The following SNTG2 variants were observed in gnomAD, a reference collection of about 807,000 sequenced individuals.
The protein encoded by SNTG2 is syntrophin gamma 2.
Under a neutral mutation model 70.9 loss-of-function variants are expected in SNTG2, and 74 were observed. The ratio of observed to expected loss-of-function variants is 1.04; its 90% CI spans 0.86 to 1.27. The LOEUF (loss-of-function observed/expected upper bound fraction) is 1.27. SNTG2 is among the 50% of genes most tolerant of loss of function. SNTG2 has a pLI of 0.00. For synonymous variants in SNTG2, 278 were observed against 273.8 expected (o/e 1.02, Z -0.15); for missense variants, 717 against 690.7 (o/e 1.04, Z -0.43).
chr2:1,185,340 C>T (rs908097555), intron 8 of SNTG2, among the ~76,000 whole-genome samples: 18 of 152,160 alleles, frequency 1.2e-4, no homozygotes, highest in Admixed American at 9.2e-4. Context: ...ATTCTGGGGT[C>T]TGGAGGATGG....
intron 1 of SNTG2, among the ~76,000 whole-genome samples, chr2:1,074,579 T>C (rs555650681): frequency 8.5e-5 from 13 of 152,340 alleles, no homozygotes; most frequent in African/African-American, 2.9e-4. Context: ...AAGATAAGAC[T>C]ATTTTGTAAT....
chr2:1,059,342 G>A (rs1352030563), intron 1 of SNTG2: 3 of 139,720 alleles, frequency 2.1e-5, no homozygotes, highest in African/African-American at 8.1e-5. Flanking sequence ...CCTGGACTGA[G>A]TTTTCAGCTG....
intron 6 of SNTG2, among the ~76,000 whole-genome samples, chr2:1,153,449 A>T (rs1208369251): frequency 2.0e-5 from 3 of 152,226 alleles, no homozygotes; most frequent in African/African-American, 7.2e-5. Flanking sequence ...CGAATGACAC[A>T]TCAAAAGGAT....
intron 15 of SNTG2, among the ~76,000 whole-genome samples, chr2:1,312,615 G>A (rs761921082): frequency 3.0e-4 from 46 of 152,272 alleles, no homozygotes; most frequent in African/African-American, 9.9e-4. Flanking sequence ...GGATTCACTC[G>A]TTCTTGGGGA....
chr2:1,188,839 TTATC>T (rs1483958231), intron 8 of SNTG2, among the ~76,000 whole-genome samples: 1 of 152,170 alleles, frequency 6.6e-6, no homozygotes, highest in Non-Finnish European at 1.5e-5. Flanking sequence ...GCATAGTAGT[TTATC>T]AATCCAATGG....
chr2:1,270,711 G>A (rs557471676), intron 14 of SNTG2, among the ~76,000 whole-genome samples: 14 of 152,316 alleles, frequency 9.2e-5, no homozygotes, highest in African/African-American at 3.1e-4. Context: ...TGTTCTTCTT[G>A]ATTCAGTAGC....
chr2:1,324,188 C>T (rs576385418), intron 16 of SNTG2, among the ~76,000 whole-genome samples: 2 of 152,320 alleles, frequency 1.3e-5, no homozygotes, highest in East Asian at 3.9e-4. Context: ...ATGGCGGAGA[C>T]TCCCCAGTAT....
At chr2:1,110,688 C>G (rs1306247094) in intron 4 of SNTG2, among the ~76,000 whole-genome samples, 2 of 152,220 alleles carry the variant, frequency 1.3e-5, no homozygotes, top group Non-Finnish European at 2.9e-5. Flanking sequence ...CACCGCTGGG[C>G]CTTTGCCTTT....
At chr2:956,094 A>C (rs1330558156) in intron 1 of SNTG2, among the ~76,000 whole-genome samples, 1 of 50,838 alleles carries the variant, frequency 2.0e-5, no homozygotes, top group Non-Finnish European at 3.7e-5. Context: ...AATGCTCCGC[A>C]CCTGCCCCTA....
intron 8 of SNTG2, among the ~76,000 whole-genome samples, chr2:1,208,632 G>T (rs535486776): frequency 9.8e-5 from 15 of 152,296 alleles, no homozygotes; most frequent in African/African-American, 3.6e-4. Context: ...TCTGGGCCCG[G>T]CTCTGACCAC....
chr2:1,239,862 G>C (rs533380812), intron 11 of SNTG2, 86 bp downstream of exon 11: 162 of 1,489,206 alleles, frequency 1.1e-4, no homozygotes, highest in Middle Eastern at 3.5e-4. Context: ...ATCTCGAAAA[G>C]CAGTCTCTGG....
At chr2:1,140,923 G>A (rs138450234) in intron 6 of SNTG2, among the ~76,000 whole-genome samples, 2 of 152,330 alleles carry the variant, frequency 1.3e-5, no homozygotes, top group East Asian at 3.9e-4. Context: ...ACACGTTTCA[G>A]TCACCTATAA....
Position 1,095,096 on chromosome 2 carries a change from AAAAG to A in SNTG2, c.211-3098_211-3095del, listed in dbSNP as rs529716456. Reference sequence around the variant, plus strand: ...GAGCAAGAGAGAAAAAAGAGAAAAAAAAAGAGAGAGAGAGAGCGCTGTATCTGCT... The same window carrying A: ...GAGCAAGAGAGAAAAAAGAGAAAAAAAGAGAGAGAGAGCGCTGTATCTGCT... On this transcript the variant is annotated intron_variant, in intron 2 of 16. Transcript: ENST00000308624. 1.9e-3 allele frequency among the ~76,000 whole-genome samples: 286 copies of A among 152,056 alleles called. 5 individuals carry two copies. The highest frequency in any genetic ancestry group is 0.018 in the South Asian group (89 of 4,820).
rs558889187 is a variant in SNTG2, at chr2:1,287,671, G to A, written c.1284+20100G>A. ...CCCTGAATAGCATGCGCCAGACAGC[G>A]AGCACTCGTCATTCTCATTGGAGGG... On this transcript the variant is annotated intron_variant, in intron 14 of 16. Transcript: ENST00000308624. 2.0e-5 allele frequency among the ~76,000 whole-genome samples: 3 copies of A among 152,304 alleles called. No individual in the cohort carries two copies. In the South Asian group the frequency reaches 6.2e-4, roughly 32 times the overall value.
At chr2:955,686 C>G (rs540401796) in intron 1 of SNTG2, among the ~76,000 whole-genome samples, 1 of 152,228 alleles carries the variant, frequency 6.6e-6, no homozygotes, top group African/African-American at 2.4e-5. Context: ...TGGGGACGCA[C>G]TCAGATTCCA....
At chr2:1,253,730 G>T (rs779614010) in intron 12 of SNTG2, among the ~76,000 whole-genome samples, 17 of 152,252 alleles carry the variant, frequency 1.1e-4, no homozygotes, top group Non-Finnish European at 2.5e-4. Flanking sequence ...AGAAAAGAGG[G>T]TTAATTGGCC....
intron 8 of SNTG2, among the ~76,000 whole-genome samples, chr2:1,192,604 T>TC (rs1340191835): frequency 1.3e-5 from 2 of 152,142 alleles, no homozygotes; most frequent in African/African-American, 4.8e-5. Flanking sequence ...ATAATAATAA[T>TC]AATCATCATC....
intron 4 of SNTG2, among the ~76,000 whole-genome samples, chr2:1,104,006 T>C (rs1191650737): frequency 6.6e-6 from 1 of 152,246 alleles, no homozygotes; most frequent in African/African-American, 2.4e-5. Context: ...GCTAATACTT[T>C]CAGGCATTCT....
intron 1 of SNTG2, among the ~76,000 whole-genome samples, chr2:1,022,173 G>C (rs575238531): frequency 2.2e-4 from 33 of 152,118 alleles, no homozygotes; most frequent in African/African-American, 7.7e-4. Context: ...GCATTTATCC[G>C]AAGGAAAGGA....
Sources: gnomAD v4.1 joint callset for allele counts (sites outside exome capture counted in the v4.1 genomes callset) on GRCh38, gnomAD v4.1.1 for gene constraint, MANE v1.5 for transcripts, NCBI Gene and HGNC (gene_info 2026-07-23, HGNC 2026-07-21) for gene names.